The following ZMYM2 variants were observed in gnomAD, a reference collection of about 807,000 sequenced individuals.
The protein encoded by ZMYM2 is zinc finger MYM-type protein 2.
ZMYM2 carries 56 observed loss-of-function variants against 162.8 expected under a neutral mutation model. That is an observed-to-expected ratio of 0.34 (90% CI 0.28 to 0.43). The LOEUF (loss-of-function observed/expected upper bound fraction) is 0.43. Ranked by LOEUF, ZMYM2 falls within the 20% of genes least tolerant of loss-of-function variation. ZMYM2 has a pLI of 1.00. For missense variants in ZMYM2, 1,275 were observed against 1,621.8 expected (o/e 0.79, Z 3.67); for synonymous variants, 510 against 541.6 (o/e 0.94, Z 0.81).
chr13:19,899,280 A>C, the ZMYM2 span, among the ~76,000 whole-genome samples: 1 of 152,056 alleles, frequency 6.6e-6, no homozygotes, highest in Non-Finnish European at 1.5e-5. Context: ...TAAATAAATA[A>C]ATAAATAGAT....
chr13:20,037,303 C>T (rs982611110), intron 12 of ZMYM2, among the ~76,000 whole-genome samples: 1 of 149,976 alleles, frequency 6.7e-6, no homozygotes, highest in Non-Finnish European at 1.5e-5. Flanking sequence ...GCAGCCTCCA[C>T]CTCCCAGGTT....
At chr13:19,954,570 T>G (rs924591177), upstream of ZMYM2, among the ~76,000 whole-genome samples, 2 of 152,110 alleles carry the variant, frequency 1.3e-5, no homozygotes, top group Non-Finnish European at 2.9e-5. Flanking sequence ...TCCACAACAA[T>G]AAAGCAAAAT....
intron 21 of ZMYM2, among the ~76,000 whole-genome samples, chr13:20,069,197 A>T (rs537208782): frequency 3.3e-5 from 5 of 152,138 alleles, no homozygotes; most frequent in African/African-American, 1.2e-4. Context: ...ATACACAATC[A>T]TGTCACCTAT....
At position 20,026,778 on chromosome 13, in the gene ZMYM2, T is replaced by C; in HGVS notation, c.1735+16T>C. 2 of 1,574,200 alleles carry C rather than the reference T, an allele frequency of 1.3e-6. No homozygotes were observed. The highest frequency in any genetic ancestry group is 1.7e-6 in the Non-Finnish European group (2 of 1,170,328). On this transcript the variant is annotated intron_variant, in intron 8 of 24. Transcript: ENST00000610343. ...AAATCACAAAGTAAGTTTCACATAT[T>C]TGGACAGTTAAAAAAACTTTACAAC... is the stretch of plus-strand genomic sequence containing the variant.
chr13:20,017,752 G>A (rs796401281), intron 6 of ZMYM2, among the ~76,000 whole-genome samples: 25 of 151,502 alleles, frequency 1.7e-4, no homozygotes, highest in African/African-American at 5.8e-4. Context: ...TTATTCTTCT[G>A]TATATCTTCT....
Position 20,052,258 on chromosome 13 carries a change from AT to A in ZMYM2, c.2459-12del. ...AGAAAGAGTATTTGTCTTATTTTAAATTTTTTTGTGTTTTTTAGATCAGGGT... is the reference window on the plus strand; with the variant it reads ...AGAAAGAGTATTTGTCTTATTTTAAATTTTTTGTGTTTTTTAGATCAGGGT... On this transcript the variant is annotated intron_variant, in intron 13 of 24. Coordinates refer to ENST00000610343, the MANE Select transcript of ZMYM2 (RefSeq NM_197968.4). 2 of 1,545,082 alleles carry A rather than the reference AT, an allele frequency of 1.3e-6. No individual in the cohort carries two copies. Among genetic ancestry groups the A allele is most frequent in the South Asian group, 2.4e-5 (2 of 81,722 alleles).
chr13:20,007,485 G>C (rs1196778113), intron 6 of ZMYM2, among the ~76,000 whole-genome samples: 1 of 151,846 alleles, frequency 6.6e-6, no homozygotes, highest in Non-Finnish European at 1.5e-5. Context: ...TTATTCCATT[G>C]CTCATTGGAA....
intron 2 of ZMYM2, among the ~76,000 whole-genome samples, chr13:19,971,634 C>G (rs1269229884): frequency 6.6e-6 from 1 of 151,738 alleles, no homozygotes; most frequent in Non-Finnish European, 1.5e-5. Flanking sequence ...AGTATTCCAG[C>G]AGAAAAATGG....
chr13:20,049,573 C>T (rs768465602), intron 12 of ZMYM2, among the ~76,000 whole-genome samples: 4 of 152,110 alleles, frequency 2.6e-5, no homozygotes, highest in Non-Finnish European at 5.9e-5. Flanking sequence ...ATTCTCTGCT[C>T]ATTTATAGTA....
At chr13:19,880,892 TTTTTTG>T in the ZMYM2 span, among the ~76,000 whole-genome samples, 8 of 144,130 alleles carry the variant, frequency 5.6e-5, no homozygotes, top group Non-Finnish European at 3.1e-5. Flanking sequence ...TTTTGTTTTG[TTTTTTG>T]TTTTTTTTTT....
intron 10 of ZMYM2, among the ~76,000 whole-genome samples, chr13:20,032,800 G>T (rs1388830122): frequency 6.6e-6 from 1 of 151,548 alleles, no homozygotes; most frequent in East Asian, 1.9e-4. Context: ...GTAGAGATGG[G>T]GTTTCACCAT....
rs1306251292 is a variant in ZMYM2, at chr13:20,011,575, T to TTTTG, written c.1512+4991_1512+4992insTGTT. ...TGTGCAGAAGTTTTTATTTTTTTGT[T>TTTTG]TTATTTTTTTTTTTTTTGAGGGGTG... On this transcript the variant is annotated intron_variant, in intron 6 of 24. Transcript: ENST00000610343. 7.1e-4 allele frequency among the ~76,000 whole-genome samples: 106 copies of TTTTG among 150,104 alleles called. 1 individual carries two copies. The highest frequency in any genetic ancestry group is 6.2e-3 in the South Asian group (29 of 4,712).
the ZMYM2 span, among the ~76,000 whole-genome samples, chr13:19,931,147 A>AAAT: frequency 1.8e-4 from 27 of 147,256 alleles, no homozygotes; most frequent in African/African-American, 4.0e-4. Flanking sequence ...TCAAAAAAAA[A>AAAT]AATAATAATA....
the ZMYM2 span, among the ~76,000 whole-genome samples, chr13:19,948,031 A>T: frequency 0.98 from 148,725 of 151,156 alleles, 73,222 homozygotes; most frequent in Middle Eastern, 1. Flanking sequence ...CATCAACATG[A>T]TTATAAAGAA....
At chr13:19,939,841 A>G in the ZMYM2 span, among the ~76,000 whole-genome samples, 2 of 152,224 alleles carry the variant, frequency 1.3e-5, no homozygotes, top group Non-Finnish European at 2.9e-5. Context: ...TATTCTCATT[A>G]CAGTCCTATG....
chr13:20,046,568 T>A (rs1199232466), intron 12 of ZMYM2, among the ~76,000 whole-genome samples: 81 of 54,196 alleles, frequency 1.5e-3, no homozygotes, highest in African/African-American at 4.2e-3. Context: ...AAAAAAAATA[T>A]ATATATATAT....
the ZMYM2 span, among the ~76,000 whole-genome samples, chr13:19,929,965 TA>T: frequency 9.2e-5 from 14 of 152,310 alleles, no homozygotes; most frequent in East Asian, 2.7e-3. Context: ...TACACTGGCA[TA>T]AAGCTTTTAA....
At chr13:20,071,779 A>G (rs1957104931) in intron 21 of ZMYM2, 1 of 177,822 alleles carries the variant, frequency 5.6e-6, no homozygotes, top group Admixed American at 6.3e-5. Flanking sequence ...CCCTTGATTC[A>G]CCATGAATGA....
At chr13:20,064,334 C>T in intron 18 of ZMYM2, 117 bp from the exon 19 acceptor site, 2 of 738,434 alleles carry the variant, frequency 2.7e-6, no homozygotes, top group South Asian at 2.8e-5. Flanking sequence ...CCAGCCCAGC[C>T]TAGATTGTCC....
Sources: gnomAD v4.1 joint callset for allele counts (sites outside exome capture counted in the v4.1 genomes callset) on GRCh38, gnomAD v4.1.1 for gene constraint, MANE v1.5 for transcripts, NCBI Gene and HGNC (gene_info 2026-07-23, HGNC 2026-07-21) for gene names.